HEPHL1: variants seen among roughly 807,000 people sequenced by gnomAD.
HEPHL1 encodes ferroxidase HEPHL1.
A neutral mutation model predicts 122.0 loss-of-function variants in HEPHL1; 123 were observed. That is an observed-to-expected ratio of 1.01 (90% confidence interval 0.87 to 1.17). HEPHL1 has a LOEUF of 1.17. HEPHL1 is among the 50% of genes most tolerant of loss of function. The probability of loss-of-function intolerance (pLI) is 0.00; values close to 1 mark genes in which losing one functional copy is unlikely to be tolerated. For missense variants in HEPHL1, 1,452 were observed against 1,430.5 expected (o/e 1.01, Z -0.24); for synonymous variants, 527 against 508.9 (o/e 1.04, Z -0.48).
chr11:94,112,763 A>G lies in HEPHL1; in HGVS notation c.*869A>G, dbSNP rs1417467197. 1.3e-5 allele frequency: 2 copies of G among 152,254 alleles called. No homozygotes were observed. The highest frequency in any genetic ancestry group is 3.8e-4 in the East Asian group (2 of 5,198). The allele number at this position is 152,254 out of a possible 1,614,324, so 9.4% of individuals were successfully genotyped here. A position where few individuals can be genotyped will look rare whatever the true frequency, so the allele number is the denominator to read the frequency against. Reference sequence around the variant, plus strand: ...CCTGAGAGTTTAGAGCAAGCTTTCTATCAGGGAGGGAAGCTTTGCAGGAGG... The same window carrying G: ...CCTGAGAGTTTAGAGCAAGCTTTCTGTCAGGGAGGGAAGCTTTGCAGGAGG... On this transcript the variant is annotated 3_prime_UTR_variant, in exon 20 of 20. Coordinates refer to ENST00000315765, the MANE Select transcript of HEPHL1 (RefSeq NM_001098672.2).
intron 2 of HEPHL1, among the ~76,000 whole-genome samples, chr11:94,052,871 C>T (rs1945902540): frequency 6.6e-6 from 1 of 152,020 alleles, no homozygotes; most frequent in African/African-American, 2.4e-5. Flanking sequence ...CTGATGGATG[C>T]AATTTGCTAA....
chr11:94,036,109 G>T (rs1945719855), intron 1 of HEPHL1, among the ~76,000 whole-genome samples: 1 of 152,170 alleles, frequency 6.6e-6, no homozygotes, highest in Non-Finnish European at 1.5e-5. Context: ...TGAAGTTCAT[G>T]GAAGCCCTTA....
chr11:94,051,543 A>G (rs1484335814), intron 2 of HEPHL1, among the ~76,000 whole-genome samples: 1 of 152,024 alleles, frequency 6.6e-6, no homozygotes, highest in Admixed American at 6.6e-5. Flanking sequence ...TCTGGTTATT[A>G]ATCCCAGATA....
chr11:94,037,132 C>T (rs548918200), intron 1 of HEPHL1, among the ~76,000 whole-genome samples: 2 of 152,330 alleles, frequency 1.3e-5, no homozygotes, highest in South Asian at 4.1e-4. Context: ...AATCGGGTCA[C>T]TCCCACCCGA....
intron 1 of HEPHL1, among the ~76,000 whole-genome samples, chr11:94,038,627 A>AT (rs1300384498): frequency 2.8e-5 from 3 of 106,070 alleles, no homozygotes; most frequent in African/African-American, 1.1e-4. Flanking sequence ...ACTAAGCTTC[A>AT]TAAGTGAAGG....
intron 2 of HEPHL1, among the ~76,000 whole-genome samples, chr11:94,062,805 T>C (rs1439364042): frequency 2.6e-5 from 4 of 152,166 alleles, no homozygotes; most frequent in African/African-American, 7.2e-5. Context: ...CTTTCCTTAA[T>C]TGAAAAATCA....
At chr11:94,030,964 G>A (rs778654447) in intron 1 of HEPHL1, among the ~76,000 whole-genome samples, 140 of 152,266 alleles carry the variant, frequency 9.2e-4, no homozygotes, top group Middle Eastern at 3.4e-3. Flanking sequence ...GTGAGCAGAT[G>A]CCATGCTCTC....
At chr11:94,037,441 A>G (rs1368971132) in intron 1 of HEPHL1, among the ~76,000 whole-genome samples, 11 of 152,082 alleles carry the variant, frequency 7.2e-5, no homozygotes, top group Non-Finnish European at 1.6e-4. Context: ...AAAAGACAGC[A>G]GTAACCTCTG....
intron 1 of HEPHL1, among the ~76,000 whole-genome samples, chr11:94,028,309 T>C (rs1460092848): frequency 6.6e-6 from 1 of 152,146 alleles, no homozygotes; most frequent in Non-Finnish European, 1.5e-5. Context: ...TGATCAGCAA[T>C]TGCTCCAAGG....
At chr11:94,105,482 A>G (rs1445889594) in intron 16 of HEPHL1, among the ~76,000 whole-genome samples, 1 of 152,224 alleles carries the variant, frequency 6.6e-6, no homozygotes, top group East Asian at 1.9e-4. Flanking sequence ...AGTCACCATC[A>G]TGTAAACTCA....
Position 94,112,284 on chromosome 11 carries a change from A to T in HEPHL1, c.*390A>T, listed in dbSNP as rs1224575882. ...AGGTGAACAGCTTCTAGAAAAAGTTAGAGTGCCTCAGACATTTAACTGGAA... is the reference window on the plus strand; with the variant it reads ...AGGTGAACAGCTTCTAGAAAAAGTTTGAGTGCCTCAGACATTTAACTGGAA... On this transcript the variant is annotated 3_prime_UTR_variant, in exon 20 of 20. Transcript: ENST00000315765. 1 of 156,944 alleles carries T rather than the reference A, an allele frequency of 6.4e-6. No homozygotes were observed. The highest frequency in any genetic ancestry group is 1.4e-5 in the Non-Finnish European group (1 of 71,406). The allele number at this position is 156,944 out of a possible 1,614,324, so 9.7% of individuals were successfully genotyped here. A position where few individuals can be genotyped will look rare whatever the true frequency, so the allele number is the denominator to read the frequency against.
At chr11:94,058,504 A>T (rs1435252632) in intron 2 of HEPHL1, among the ~76,000 whole-genome samples, 1 of 152,108 alleles carries the variant, frequency 6.6e-6, no homozygotes, top group Non-Finnish European at 1.5e-5. Context: ...CCAAAATATC[A>T]TCCAGGGGAG....
intron 1 of HEPHL1, among the ~76,000 whole-genome samples, chr11:94,035,444 A>T (rs1211112578): frequency 6.6e-6 from 1 of 152,208 alleles, no homozygotes; most frequent in Non-Finnish European, 1.5e-5. Flanking sequence ...CTTACCCAAG[A>T]CTGAAACAGA....
At chr11:94,110,869 C>T (rs1946442602) in intron 17 of HEPHL1, 34 bp from the exon 18 acceptor site, 1 of 1,578,758 alleles carries the variant, frequency 6.3e-7, no homozygotes, top group Non-Finnish European at 8.6e-7. Flanking sequence ...GCAAAGAAGG[C>T]TACTAGCTGT....
At chr11:94,060,473 T>C (rs1416433355) in intron 2 of HEPHL1, among the ~76,000 whole-genome samples, 1 of 152,136 alleles carries the variant, frequency 6.6e-6, no homozygotes, top group African/African-American at 2.4e-5. Context: ...GATAAGTGCT[T>C]TATAGATATC....
intron 9 of HEPHL1, among the ~76,000 whole-genome samples, chr11:94,079,681 A>G (rs1946153235): frequency 2.0e-5 from 3 of 152,206 alleles, no homozygotes; most frequent in Non-Finnish European, 4.4e-5. Context: ...GAGGGTGACA[A>G]GGAGCTTGGC....
chr11:94,111,101 C>T, intron 18 of HEPHL1, 36 bp downstream of exon 18: 3 of 1,524,958 alleles, frequency 2.0e-6, no homozygotes, highest in East Asian at 2.4e-5. Context: ...GATGATGGCA[C>T]CGAGCTTCCT....
In HEPHL1 at chr11:94,101,264, A is replaced by G. The variant is rs755176036; in HGVS notation, c.2504A>G (p.Tyr835Cys). Reference protein sequence around the residue: ...IIFKNKASRPYSISAQGVEEM... With the variant: ...IIFKNKASRPCSISAQGVEEM... ...TTTAAGAACAAAGCCAGTAGGCCCT[A>G]CTCCATCTCAGCCCAGGGTGTGGAG... Residue 835 changes from tyrosine (Y) to cysteine (C), a missense_variant, in exon 14 of 20, where the codon TAC (tyrosine) becomes TGC (cysteine). Coordinates refer to ENST00000315765, the MANE Select transcript of HEPHL1 (RefSeq NM_001098672.2). 1 of 1,613,752 alleles carries G rather than the reference A, an allele frequency of 6.2e-7. No homozygotes were observed. The highest frequency in any genetic ancestry group is 8.5e-7 in the Non-Finnish European group (1 of 1,179,770).
intron 1 of HEPHL1, among the ~76,000 whole-genome samples, chr11:94,042,890 A>AACCAAAAAT (rs1945799145): frequency 1.3e-5 from 2 of 148,788 alleles, no homozygotes; most frequent in African/African-American, 5.0e-5. Context: ...AAAAAAAAAA[A>AACCAAAAAT]AAACTGCATG....
Sources: gnomAD v4.1 joint callset for allele counts (sites outside exome capture counted in the v4.1 genomes callset) on GRCh38, gnomAD v4.1.1 for gene constraint, MANE v1.5 for transcripts, NCBI Gene and HGNC (gene_info 2026-07-23, HGNC 2026-07-21) for gene names.